The following LTBP4 variants were observed in gnomAD, a reference collection of about 807,000 sequenced individuals.
LTBP4 encodes the protein latent-transforming growth factor beta-binding protein 4.
LTBP4 carries 93 observed loss-of-function variants against 180.2 expected under a neutral mutation model. The ratio of observed to expected loss-of-function variants is 0.52; its 90% CI spans 0.44 to 0.61. The LOEUF is 0.61. LTBP4 is among the 20% of genes least tolerant of loss of function. LTBP4 has a pLI of 0.00. For synonymous variants in LTBP4, 947 were observed against 934.5 expected, an observed-to-expected ratio of 1.01 and a Z score of -0.24; for missense variants, 2,116 against 2,256.5, an observed-to-expected ratio of 0.94 and a Z score of 1.26.
At position 40,608,375 on chromosome 19, in the gene LTBP4, C is replaced by G. The variant is rs1452669027; in HGVS notation, c.1306+6C>G. 1 of 1,610,978 alleles carries G rather than the reference C, an allele frequency of 6.2e-7. No homozygotes were observed. The highest frequency in any genetic ancestry group is 8.5e-7 in the Non-Finnish European group (1 of 1,178,278). ...CACCTCTCGGCCATCTGCAGGTGAGCTGGCTCTGGCAGAAGTGGGTGCCAT... is the reference window on the plus strand; with the variant it reads ...CACCTCTCGGCCATCTGCAGGTGAGGTGGCTCTGGCAGAAGTGGGTGCCAT... On this transcript the variant is annotated splice_donor_region_variant and intron_variant, in intron 8 of 29. Transcript: ENST00000396819.
At chr19:40,628,265 G>A (rs576027751) in intron 29 of LTBP4, among the ~76,000 whole-genome samples, 1 of 152,210 alleles carries the variant, frequency 6.6e-6, no homozygotes, top group Non-Finnish European at 1.5e-5. Flanking sequence ...ACATAGCCGG[G>A]CGCAGTGGCT....
At chr19:40,624,209 C>T in intron 26 of LTBP4, 127 bp downstream of exon 26, 1 of 1,154,378 alleles carries the variant, frequency 8.7e-7, no homozygotes, top group Non-Finnish European at 1.2e-6. Context: ...TCGACCACGC[C>T]CCACTGAGCC....
chr19:40,602,231 G>A (rs938237494), intron 1 of LTBP4, among the ~76,000 whole-genome samples: 28 of 150,800 alleles, frequency 1.9e-4, no homozygotes, highest in Non-Finnish European at 3.6e-4. Flanking sequence ...GAGTTGCAGG[G>A]GTCCCACGTG....
At position 40,622,191 on chromosome 19, in the gene LTBP4, G is replaced by A. The variant is rs913707115; in HGVS notation, c.3218-210G>A. 1.3e-5 allele frequency among the ~76,000 whole-genome samples: 2 copies of A among 152,198 alleles called. No individual in the cohort carries two copies. Among genetic ancestry groups the A allele is most frequent in the South Asian group, 2.1e-4 (1 of 4,828 alleles). The stretch of plus-strand genomic sequence containing the variant: ...TGCAGTGACGGGAAAGTGTGAGGTG[G>A]GGAGGCAAGAGATGCAGAAATGACA... On this transcript the variant is annotated intron_variant, in intron 22 of 29. Transcript: ENST00000396819. The surrounding 1 kb of genome is among the most constrained non-coding windows in gnomAD (Gnocchi z 5.1).
rs371903094 is a variant in LTBP4, at chr19:40,611,294, G to A, written c.1953G>A (p.Pro651=). Residue 651 remains proline (P), a synonymous_variant, in exon 13 of 30, where the codon CCG becomes CCA. Transcript: ENST00000396819. This position sits in a 1 kb window ranked among gnomAD's most constrained non-coding sequence, Gnocchi z 4.4. ...ATGTGGATGAGTGTGCCCAGGAGCC[G>A]CCGCCCTGTGGGCCCGGCCGCTGTG... The part of the protein sequence containing the change: ...EEDVDECAQE[P]PPCGPGRCDN... 1.0e-3 allele frequency: 1,609 copies of A among 1,611,112 alleles called. 28 individuals are homozygous for A. In the South Asian group the frequency reaches 0.016, roughly 16 times the overall value.
Position 40,608,521 on chromosome 19 carries a change from ACCCCGGCCCGAT to A in LTBP4, c.1355_1366del (p.Asp452_Pro455del), listed in dbSNP as rs529188563. 774 of 1,606,666 alleles carry A rather than the reference ACCCCGGCCCGAT, an allele frequency of 4.8e-4. 11 individuals carry two copies. The South Asian group carries it at 8.1e-3, about 17-fold the overall frequency. On this transcript the variant is annotated inframe_deletion, in exon 9 of 30. Coordinates refer to ENST00000396819, the MANE Select transcript of LTBP4 (RefSeq NM_001042545.2). ...CCCATCGCCTGGAGCCCCGGCCTGAACCCCGGCCCGATCCCCGGCCCGGCCCTGAGCTTCCCT... is the reference window on the plus strand; with the variant it reads ...CCCATCGCCTGGAGCCCCGGCCTGAACCCCGGCCCGGCCCTGAGCTTCCCT...
chr19:40,610,341 T>G (rs1370086831), intron 11 of LTBP4, 191 bp from the exon 12 acceptor site: 1 of 633,826 alleles, frequency 1.6e-6, no homozygotes, highest in African/African-American at 1.8e-5. Context: ...CTTTCTGCCC[T>G]TGCGCTACCA....
intron 26 of LTBP4, 46 bp from the exon 27 acceptor site, chr19:40,625,811 A>G: frequency 6.8e-7 from 1 of 1,475,112 alleles, no homozygotes; most frequent in Non-Finnish European, 9.0e-7. Flanking sequence ...CCCTGGGAGG[A>G]CCTGAGTGCC....
At chr19:40,607,566 C>A (rs754596044) in intron 7 of LTBP4, 37 bp downstream of exon 7, 2 of 1,560,240 alleles carry the variant, frequency 1.3e-6, no homozygotes, top group Non-Finnish European at 1.7e-6. Flanking sequence ...CTACGCGCAA[C>A]ACATGTGGCG....
chr19:40,597,333 C>A, upstream of LTBP4: 1 of 1,524,934 alleles, frequency 6.6e-7, no homozygotes, highest in Non-Finnish European at 8.8e-7. Context: ...CCAGCCCCAG[C>A]CCCAGCCAGG....
upstream of LTBP4, chr19:40,597,316 G>A (rs1435850746): frequency 1.6e-5 from 24 of 1,525,528 alleles, no homozygotes; most frequent in East Asian, 2.5e-5. Flanking sequence ...CACCTCCGCC[G>A]CCAGCCCCAG....
chr19:40,625,283 TATATATATATATATATATATATA>T (rs2081620441), intron 26 of LTBP4, among the ~76,000 whole-genome samples: 2 of 8,728 alleles, frequency 2.3e-4, no homozygotes, highest in African/African-American at 1.3e-3. Context: ...TATATATATA[TATATATATATATATATATATATA>T]TATATATATA....
upstream of LTBP4, chr19:40,599,796 CCTCT>C: frequency 1.0e-5 from 6 of 579,884 alleles, no homozygotes; most frequent in Non-Finnish European, 1.8e-5. Flanking sequence ...TGTCTCTTTT[CCTCT>C]CTCTCTTTCT....
chr19:40,617,360 C>T, intron 21 of LTBP4, 135 bp downstream of exon 21: 2 of 1,248,320 alleles, frequency 1.6e-6, no homozygotes, highest in East Asian at 2.6e-5. Context: ...AGATCATCTT[C>T]ATGCCAGGCA....
At chr19:40,606,577 G>T in intron 6 of LTBP4, 51 bp downstream of exon 6, 1 of 1,532,328 alleles carries the variant, frequency 6.5e-7, no homozygotes, top group Non-Finnish European at 8.8e-7. Flanking sequence ...CCTGCCCTCA[G>T]AAGTCCCAGA....
chr19:40,596,075 T>C (rs11083561), intron 1 of LTBP4, among the ~76,000 whole-genome samples: 72,259 of 151,220 alleles, frequency 0.48, 18,399 homozygotes, highest in African/African-American at 0.66. Context: ...CGCCCACCAC[T>C]GCACCCAGCT....
chr19:40,625,285 TA>T (rs1568414422), intron 26 of LTBP4, among the ~76,000 whole-genome samples: 263 of 9,264 alleles, frequency 0.028, 66 homozygotes, highest in Non-Finnish European at 0.036. Context: ...TATATATATA[TA>T]TATATATATA....
intron 12 of LTBP4, chr19:40,610,909 C>G: frequency 1.4e-6 from 1 of 712,524 alleles, no homozygotes; most frequent in Non-Finnish European, 2.2e-6. Flanking sequence ...TGTCAGTAAT[C>G]GGGTAAGGGG....
At chr19:40,623,136 G>A (rs538821562) in intron 24 of LTBP4, 115 bp downstream of exon 24, 18 of 666,676 alleles carry the variant, frequency 2.7e-5, no homozygotes, top group Middle Eastern at 2.5e-4. Context: ...CTGTCTCCCC[G>A]ACCCCACCCA....
Sources: gnomAD v4.1 joint callset for allele counts (sites outside exome capture counted in the v4.1 genomes callset) on GRCh38, gnomAD v4.1.1 for gene constraint, Gnocchi (gnomAD v3.1) non-coding constraint, MANE v1.5 for transcripts, NCBI Gene and HGNC (gene_info 2026-07-23, HGNC 2026-07-21) for gene names.